TNRC6B: variants seen among roughly 807,000 people sequenced by gnomAD.
TNRC6B encodes trinucleotide repeat containing adaptor 6B, also known as trinucleotide repeat-containing gene 6B protein.
In TNRC6B, 52 loss-of-function variants were observed where a neutral mutation model predicts 203.6. The observed-to-expected ratio is 0.26, with a 90% CI of 0.20 to 0.32. The LOEUF (loss-of-function observed/expected upper bound fraction) is 0.32, where lower values mean the gene tolerates loss of function less well. Among genes scored for constraint, TNRC6B ranks in the 10% least tolerant of loss-of-function variants. The probability of loss-of-function intolerance (pLI) is 1.00; values close to 1 mark genes in which losing one functional copy is unlikely to be tolerated. For synonymous variants in TNRC6B, 838 were observed against 845.7 expected, an observed-to-expected ratio of 0.99 and a Z score of 0.16; for missense variants, 1,923 against 2,286.2, an observed-to-expected ratio of 0.84 and a Z score of 3.24.
chr22:40,103,088 TAAAA>T (rs1351509649), intron 1 of TNRC6B, among the ~76,000 whole-genome samples: 3 of 149,268 alleles, frequency 2.0e-5, no homozygotes, highest in Non-Finnish European at 4.5e-5. Flanking sequence ...AATAAATAAA[TAAAA>T]ATAAATAAAT....
chr22:40,286,874 C>T (rs766963811), intron 12 of TNRC6B, among the ~76,000 whole-genome samples: 1 of 152,132 alleles, frequency 6.6e-6, no homozygotes, highest in Non-Finnish European at 1.5e-5. Context: ...CAGTGTGTGG[C>T]CTTAGTCCCT....
At chr22:40,140,893 A>G (rs2068638518) in intron 3 of TNRC6B, among the ~76,000 whole-genome samples, 1 of 152,030 alleles carries the variant, frequency 6.6e-6, no homozygotes, top group African/African-American at 2.4e-5. Context: ...TGCCTGCCTC[A>G]GCCTCCCAAA....
chr22:40,153,881 G>A (rs1431221921), intron 3 of TNRC6B, among the ~76,000 whole-genome samples: 1 of 150,722 alleles, frequency 6.6e-6, no homozygotes, highest in East Asian at 1.9e-4. Context: ...AATAAAATTA[G>A]TAATTTAAAT....
chr22:40,247,642 T>C (rs1276223281), intron 2 of TNRC6B, among the ~76,000 whole-genome samples: 1 of 152,260 alleles, frequency 6.6e-6, no homozygotes, highest in Non-Finnish European at 1.5e-5. Flanking sequence ...CTGCTTTTAA[T>C]TGTGTTTGTC....
At position 40,266,426 on chromosome 22, in the gene TNRC6B, G is replaced by A; in HGVS notation, c.2196G>A (p.Trp732Ter). Residue 732 changes from tryptophan to a stop codon, truncating the protein, a stop_gained, in exon 5 of 23, where the codon TGG (tryptophan) becomes TGA (stop). Transcript: ENST00000454349. LOFTEE classifies it high-confidence loss of function. ...WNENPSKDQG[W>*]GGGRQPNQGW... is the part of the protein sequence containing the mutation. ...AGAATCCCAGCAAGGATCAGGGGTGGGGAGGTGGACGCCAGCCCAATCAAG... is the reference window on the plus strand; with the variant it reads ...AGAATCCCAGCAAGGATCAGGGGTGAGGAGGTGGACGCCAGCCCAATCAAG... 6.2e-7 allele frequency: 1 copy of A among 1,613,930 alleles called. No individual in the cohort carries two copies.
chr22:40,171,844 C>T (rs768367395), intron 4 of TNRC6B, among the ~76,000 whole-genome samples: 14 of 151,940 alleles, frequency 9.2e-5, no homozygotes, highest in Non-Finnish European at 1.6e-4. Flanking sequence ...TTATTGACCA[C>T]TCAAACATTT....
chr22:40,194,397 C>T (rs894249773), intron 1 of TNRC6B, among the ~76,000 whole-genome samples: 3 of 152,160 alleles, frequency 2.0e-5, no homozygotes, highest in Admixed American at 6.5e-5. Context: ...AGCTTCTGTG[C>T]TTGGGCATTA....
chr22:40,196,880 C>T (rs979838017), intron 1 of TNRC6B, among the ~76,000 whole-genome samples: 4 of 152,096 alleles, frequency 2.6e-5, no homozygotes, highest in Admixed American at 1.3e-4. Context: ...TATTATGCTG[C>T]ACACACTTCC....
intron 1 of TNRC6B, among the ~76,000 whole-genome samples, chr22:40,202,588 G>A (rs1029535357): frequency 6.6e-6 from 1 of 152,044 alleles, no homozygotes; most frequent in Non-Finnish European, 1.5e-5. Context: ...TTAAGATAAC[G>A]AATGACTTGT....
In TNRC6B at chr22:40,281,301, T is replaced by C. The variant is rs1052518730; in HGVS notation, c.3582+12T>C. 51 of 1,534,144 alleles carry C rather than the reference T, an allele frequency of 3.3e-5. No homozygotes were observed. Among genetic ancestry groups the C allele is most frequent in the Non-Finnish European group, 4.5e-5 (51 of 1,138,310 alleles). ...TCGCTGCTAGACAAGTAAGGAGGCC[T>C]CTCAAATTTATAACTGCTTGGCTAT... On this transcript the variant is annotated intron_variant, in intron 11 of 22. Coordinates refer to ENST00000454349, the MANE Select transcript of TNRC6B (RefSeq NM_001162501.2).
At chr22:40,241,638 G>A (rs558239613) in intron 1 of TNRC6B, among the ~76,000 whole-genome samples, 1 of 152,314 alleles carries the variant, frequency 6.6e-6, no homozygotes, top group African/African-American at 2.4e-5. Context: ...CTCACAGTTT[G>A]AATTTGTCCC....
At chr22:40,097,612 T>A (rs559163655) in intron 1 of TNRC6B, among the ~76,000 whole-genome samples, 1 of 151,880 alleles carries the variant, frequency 6.6e-6, no homozygotes, top group South Asian at 2.1e-4. Flanking sequence ...AAGGTACCTA[T>A]TTTTAAAGGC....
chr22:40,278,506 C>T (rs1238402316), intron 9 of TNRC6B, among the ~76,000 whole-genome samples: 3 of 145,620 alleles, frequency 2.1e-5, no homozygotes, highest in African/African-American at 5.1e-5. Flanking sequence ...TGCACTGAGC[C>T]GAGATTGTGC....
chr22:40,301,512 G>A (rs997965398), intron 15 of TNRC6B, 179 bp downstream of exon 15: 2 of 664,126 alleles, frequency 3.0e-6, no homozygotes, highest in Admixed American at 3.0e-5. Context: ...GGTTTCCAGA[G>A]CTCACCACAT....
chr22:40,209,500 G>T (rs146672613), intron 1 of TNRC6B, among the ~76,000 whole-genome samples: 2 of 152,122 alleles, frequency 1.3e-5, no homozygotes, highest in African/African-American at 2.4e-5. Flanking sequence ...TTACTTAAAG[G>T]CTCTGAACCT....
intron 1 of TNRC6B, among the ~76,000 whole-genome samples, chr22:40,054,717 A>G (rs2067778973): frequency 6.6e-6 from 1 of 152,226 alleles, no homozygotes; most frequent in African/African-American, 2.4e-5. Context: ...AAGTTAAGAA[A>G]GAGAATTTAA....
At chr22:40,177,316 A>G (rs1012229797), upstream of TNRC6B, among the ~76,000 whole-genome samples, 2 of 152,186 alleles carry the variant, frequency 1.3e-5, no homozygotes, top group Admixed American at 6.5e-5. Flanking sequence ...GAACACACAT[A>G]CAGGCAAAAC....
chr22:40,048,979 G>C (rs184122084), intron 1 of TNRC6B, among the ~76,000 whole-genome samples: 4 of 152,084 alleles, frequency 2.6e-5, no homozygotes, highest in African/African-American at 7.2e-5. Context: ...TCCTGCCTCA[G>C]CCTCCCAAGT....
At chr22:40,089,571 A>G (rs1379187788) in intron 1 of TNRC6B, among the ~76,000 whole-genome samples, 5 of 152,134 alleles carry the variant, frequency 3.3e-5, no homozygotes, top group Non-Finnish European at 7.4e-5. Flanking sequence ...TTAGGGTCAC[A>G]GTAAAATTAA....
Sources: allele counts gnomAD v4.1 joint callset (sites outside exome capture counted in the v4.1 genomes callset), GRCh38; gene constraint gnomAD v4.1.1; transcripts MANE v1.5; gene names NCBI Gene and HGNC (gene_info 2026-07-23, HGNC 2026-07-21).